TENM2: variants seen among roughly 807,000 people sequenced by gnomAD.
The protein encoded by TENM2 is teneurin transmembrane protein 2.
TENM2 carries 52 observed loss-of-function variants against 245.2 expected under a neutral mutation model. The ratio of observed to expected loss-of-function variants is 0.21; its 90% CI spans 0.17 to 0.27. TENM2 has a LOEUF of 0.27. Among genes scored for constraint, TENM2 ranks in the 10% least tolerant of loss-of-function variants. The pLI is 1.00. For missense variants in TENM2, 3,046 were observed against 3,666.8 expected, an observed-to-expected ratio of 0.83 and a Z score of 4.37; for synonymous variants, 1,363 against 1,438.9, an observed-to-expected ratio of 0.95 and a Z score of 1.19.
chr5:167,296,680 C>T (rs1270249510), intron 1 of TENM2: 1 of 152,256 alleles, frequency 6.6e-6, no homozygotes, highest in Non-Finnish European at 1.5e-5. Flanking sequence ...CAAAAGACCC[C>T]TGTTTGCCTG....
At chr5:167,996,282 C>T (rs763257722) in intron 5 of TENM2, among the ~76,000 whole-genome samples, 9 of 152,020 alleles carry the variant, frequency 5.9e-5, no homozygotes, top group Non-Finnish European at 1.2e-4. Context: ...AGTTCCTACC[C>T]ACACAGCTGG....
At chr5:167,192,887 A>G in the TENM2 span, among the ~76,000 whole-genome samples, 1 of 152,082 alleles carries the variant, frequency 6.6e-6, no homozygotes, top group Non-Finnish European at 1.5e-5. Flanking sequence ...GAGGTTGAGA[A>G]AAGAAGGGAA....
At chr5:167,105,107 A>G in the TENM2 span, among the ~76,000 whole-genome samples, 4,864 of 152,302 alleles carry the variant, frequency 0.032, 268 homozygotes, top group African/African-American at 0.11. Flanking sequence ...CAAGGTATAT[A>G]GATAAAATGC....
intron 2 of TENM2, among the ~76,000 whole-genome samples, chr5:167,814,885 A>C (rs767836375): frequency 6.6e-6 from 1 of 152,168 alleles, no homozygotes; most frequent in Non-Finnish European, 1.5e-5. Context: ...GTTGGCTAGA[A>C]CAAATACCCA....
intron 2 of TENM2, among the ~76,000 whole-genome samples, chr5:167,817,273 T>G (rs1232310844): frequency 6.6e-6 from 1 of 152,224 alleles, no homozygotes; most frequent in Non-Finnish European, 1.5e-5. Context: ...CTTATAATTT[T>G]GATAAGCCTT....
chr5:168,020,743 C>T (rs17069629), intron 5 of TENM2, among the ~76,000 whole-genome samples: 8,916 of 152,174 alleles, frequency 0.059, 436 homozygotes, highest in African/African-American at 0.13. Flanking sequence ...TCTTTGGACC[C>T]CTTCCAGGCT....
rs540246731 is a variant in TENM2 at position 167,353,856 on chromosome 5, G to A, written c.227-21342G>A. On this transcript the variant is annotated intron_variant, in intron 1 of 28. Coordinates refer to ENST00000518659, the Ensembl canonical transcript of TENM2. ...AAATTTTTTTGGAGATGTTATTTTC[G>A]GAGTGGTTGGAGAGAGAGCACTGCC... Among the ~76,000 whole-genome samples the A allele has an allele frequency of 9.9e-5, 15 of 152,164 alleles. No individual in the cohort carries two copies. In the South Asian group the frequency reaches 1.0e-3, roughly 11 times the overall value.
the TENM2 span, among the ~76,000 whole-genome samples, chr5:167,128,559 A>G: frequency 2.0e-5 from 3 of 152,022 alleles, no homozygotes; most frequent in Non-Finnish European, 4.4e-5. Flanking sequence ...TCATTAAAAA[A>G]AAAAAAAAGC....
chr5:168,164,970 G>A (rs78742385), intron 13 of TENM2, among the ~76,000 whole-genome samples: 3,940 of 152,212 alleles, frequency 0.026, 130 homozygotes, highest in African/African-American at 0.075. Flanking sequence ...AATCCATCGG[G>A]GTGGTGGATG....
chr5:168,176,349 C>T (rs1165890756), intron 13 of TENM2, among the ~76,000 whole-genome samples: 2 of 152,190 alleles, frequency 1.3e-5, no homozygotes, highest in African/African-American at 2.4e-5. Flanking sequence ...CTCTCTTCCT[C>T]GTCCTCTCTC....
At chr5:167,848,380 A>C (rs1770247799) in intron 2 of TENM2, among the ~76,000 whole-genome samples, 1 of 152,180 alleles carries the variant, frequency 6.6e-6, no homozygotes, top group African/African-American at 2.4e-5. Context: ...TGCATATGTA[A>C]ATCAAAGCCA....
chr5:168,183,107 G>A (rs1223080503), intron 13 of TENM2, among the ~76,000 whole-genome samples: 1 of 152,130 alleles, frequency 6.6e-6, no homozygotes, highest in African/African-American at 2.4e-5. Context: ...TGGGATTACA[G>A]GCGTGAGCCA....
intron 2 of TENM2, among the ~76,000 whole-genome samples, chr5:167,579,207 G>GA (rs1239556880): frequency 6.6e-6 from 1 of 152,014 alleles, no homozygotes; most frequent in Non-Finnish European, 1.5e-5. Flanking sequence ...ACAATGGAAG[G>GA]AAAAAAATAG....
At chr5:167,235,913 G>A in the TENM2 span, among the ~76,000 whole-genome samples, 1 of 152,182 alleles carries the variant, frequency 6.6e-6, no homozygotes, top group Non-Finnish European at 1.5e-5. Context: ...GAGCTCGGAA[G>A]AGATCAGATC....
the TENM2 span, among the ~76,000 whole-genome samples, chr5:167,176,328 T>C: frequency 2.6e-5 from 4 of 152,342 alleles, no homozygotes; most frequent in Admixed American, 2.0e-4. Flanking sequence ...CCCTTTACTT[T>C]TGTGAAGCTT....
chr5:167,797,074 C>T (rs773265240), intron 2 of TENM2, among the ~76,000 whole-genome samples: 7 of 152,070 alleles, frequency 4.6e-5, no homozygotes, highest in African/African-American at 7.2e-5. Flanking sequence ...AATGGTAATA[C>T]GGAAGTGGAA....
chr5:168,203,675 C>A lies in TENM2; in HGVS notation c.3431-14C>A. On this transcript the variant is annotated splice_polypyrimidine_tract_variant and intron_variant, in intron 17 of 28. Transcript: ENST00000518659. ...TCTTTTCTCTCACTCTGCCCCACCC[C>A]TTTTATCTTTCAGTGTCTGTCGGGT... 1.9e-6 allele frequency: 3 copies of A among 1,591,150 alleles called. 1 individual carries two copies. The African/African-American group carries it at 4.0e-5, about 21-fold the overall frequency.
At chr5:167,920,786 T>C (rs1777311911) in intron 3 of TENM2, among the ~76,000 whole-genome samples, 1 of 152,160 alleles carries the variant, frequency 6.6e-6, no homozygotes, top group Non-Finnish European at 1.5e-5. Flanking sequence ...ATTCATAACA[T>C]GACAGCATCC....
At chr5:166,988,782 C>T in the TENM2 span, among the ~76,000 whole-genome samples, 1 of 152,214 alleles carries the variant, frequency 6.6e-6, no homozygotes, top group South Asian at 2.1e-4. Context: ...ACCCACACGG[C>T]TGCCCTAGAA....
Sources: allele counts gnomAD v4.1 joint callset (sites outside exome capture counted in the v4.1 genomes callset), GRCh38; gene constraint gnomAD v4.1.1; transcripts MANE v1.5; gene names NCBI Gene and HGNC (gene_info 2026-07-23, HGNC 2026-07-21).